CACNA2D2: variants seen among roughly 807,000 people sequenced by gnomAD.
CACNA2D2 encodes voltage-dependent calcium channel subunit alpha-2/delta-2.
Under a neutral mutation model 166.4 loss-of-function variants are expected in CACNA2D2, and 48 were observed. The observed-to-expected ratio is 0.29, with a 90% CI of 0.23 to 0.37. CACNA2D2 has a LOEUF of 0.37. CACNA2D2 is among the 10% of genes least tolerant of loss of function. The probability of loss-of-function intolerance (pLI) is 1.00; values close to 1 mark genes in which losing one functional copy is unlikely to be tolerated. For missense variants in CACNA2D2, 1,122 were observed against 1,433.0 expected, an observed-to-expected ratio of 0.78 and a Z score of 3.50; for synonymous variants, 561 against 573.7, an observed-to-expected ratio of 0.98 and a Z score of 0.32.
rs1467398000 is a variant in CACNA2D2, at chr3:50,363,281, G to A, written c.*1385C>T. On this transcript the variant is annotated 3_prime_UTR_variant, in exon 38 of 38. Coordinates refer to ENST00000424201, the MANE Select transcript of CACNA2D2 (RefSeq NM_006030.4). The stretch of plus-strand genomic sequence containing the variant: ...GACCACACACACACACTGAGAAAGC[G>A]ACAAGCAACATGACATTAATTAACG... 1.5e-5 allele frequency: 6 copies of A among 398,666 alleles called. No homozygotes were observed. The highest frequency in any genetic ancestry group is 2.5e-4 in the South Asian group (2 of 7,846). The allele number at this position is 398,666 out of a possible 1,614,324, so 24.7% of individuals were successfully genotyped here.
chr3:50,470,464 G>A (rs1407761760), intron 2 of CACNA2D2, among the ~76,000 whole-genome samples: 1 of 152,160 alleles, frequency 6.6e-6, no homozygotes, highest in East Asian at 1.9e-4. Flanking sequence ...CGTGTGGAAG[G>A]ATATGGGCGA....
chr3:50,449,274 T>C (rs974779736), intron 2 of CACNA2D2, among the ~76,000 whole-genome samples: 5 of 152,210 alleles, frequency 3.3e-5, no homozygotes, highest in Admixed American at 3.3e-4. Context: ...GACCTCACCA[T>C]GAGCCCTGAT....
intron 3 of CACNA2D2, among the ~76,000 whole-genome samples, chr3:50,425,395 C>T (rs1707760425): frequency 6.6e-6 from 1 of 152,182 alleles, no homozygotes; most frequent in Non-Finnish European, 1.5e-5. Context: ...TCAAATGCTA[C>T]CTCCTCCAGG....
chr3:50,462,718 G>C (rs1300614923), intron 2 of CACNA2D2, among the ~76,000 whole-genome samples: 10 of 152,070 alleles, frequency 6.6e-5, no homozygotes, highest in Non-Finnish European at 1.5e-4. Flanking sequence ...TAGAGATATG[G>C]AGCTCAGAGA....
At chr3:50,458,597 G>A (rs992813151) in intron 2 of CACNA2D2, among the ~76,000 whole-genome samples, 2 of 152,222 alleles carry the variant, frequency 1.3e-5, no homozygotes, top group South Asian at 4.1e-4. Flanking sequence ...GGACTCAGCT[G>A]CTACAAGAGA....
intron 1 of CACNA2D2, among the ~76,000 whole-genome samples, chr3:50,501,163 T>C (rs1698947226): frequency 6.6e-6 from 1 of 152,200 alleles, no homozygotes; most frequent in African/African-American, 2.4e-5. Flanking sequence ...CAGAACCTTC[T>C]GGCCCGAACA....
At chr3:50,391,758 T>C (rs1705904837) in intron 4 of CACNA2D2, among the ~76,000 whole-genome samples, 1 of 152,200 alleles carries the variant, frequency 6.6e-6, no homozygotes, top group Non-Finnish European at 1.5e-5. Context: ...GGACCTGCTG[T>C]GTGCTGTCAA....
At chr3:50,410,700 G>C (rs1706968874) in intron 3 of CACNA2D2, among the ~76,000 whole-genome samples, 1 of 152,232 alleles carries the variant, frequency 6.6e-6, no homozygotes, top group Admixed American at 6.5e-5. Context: ...AGGGAAAGGG[G>C]GTAAGTGGGA....
chr3:50,382,700 G>A (rs1015863869), intron 6 of CACNA2D2, among the ~76,000 whole-genome samples: 1 of 152,226 alleles, frequency 6.6e-6, no homozygotes, highest in Non-Finnish European at 1.5e-5. Flanking sequence ...GCCCTCCAGA[G>A]TTTCACACAG....
At chr3:50,372,283 G>A (rs1247156139) in intron 22 of CACNA2D2, among the ~76,000 whole-genome samples, 2 of 152,162 alleles carry the variant, frequency 1.3e-5, no homozygotes, top group African/African-American at 4.8e-5. Context: ...GGTCTAAACA[G>A]ATCCCATTCC....
chr3:50,484,969 C>T (rs1698217582), intron 1 of CACNA2D2, among the ~76,000 whole-genome samples: 3 of 152,180 alleles, frequency 2.0e-5, no homozygotes, highest in African/African-American at 4.8e-5. Flanking sequence ...CAGGGCTGGC[C>T]CAGGAGGCCC....
At chr3:50,418,882 G>A (rs1356483284) in intron 3 of CACNA2D2, among the ~76,000 whole-genome samples, 1 of 152,240 alleles carries the variant, frequency 6.6e-6, no homozygotes, top group Non-Finnish European at 1.5e-5. Flanking sequence ...GGTATGGAGG[G>A]GAGCCTGGCC....
intron 2 of CACNA2D2, among the ~76,000 whole-genome samples, chr3:50,462,899 AAG>A (rs975947479): frequency 1.3e-5 from 2 of 151,824 alleles, no homozygotes; most frequent in Admixed American, 1.3e-4. Context: ...AGAAAAAAAA[AAG>A]AGAGAGGGAG....
chr3:50,367,140 G>T lies in CACNA2D2; in HGVS notation c.2402-31C>A. On this transcript the variant is annotated intron_variant, in intron 27 of 37. Coordinates refer to ENST00000424201, the MANE Select transcript of CACNA2D2 (RefSeq NM_006030.4). This position sits in a 1 kb window ranked among gnomAD's most constrained non-coding sequence, Gnocchi z 6.5. ...GGTTGGGTGGGGAAGTCAGGAGTGGGGTCTGGCGGCCACACTGACCACTCT... is the reference window on the plus strand; with the variant it reads ...GGTTGGGTGGGGAAGTCAGGAGTGGTGTCTGGCGGCCACACTGACCACTCT... The T allele has an allele frequency of 6.4e-7, 1 of 1,550,800 alleles. No homozygotes were observed. The highest frequency in any genetic ancestry group is 8.9e-7 in the Non-Finnish European group (1 of 1,126,344).
chr3:50,364,868 C>T lies in CACNA2D2; in HGVS notation c.3291+20G>A, dbSNP rs1704139952. On this transcript the variant is annotated intron_variant, in intron 37 of 37. Transcript: ENST00000424201. ...GGCGCAAGGCCGCGGGATTTCGGGT[C>T]CACCGCCCCCTCTCCTCACTGTCGC... is the stretch of plus-strand genomic sequence containing the variant. The T allele has an allele frequency of 1.9e-6, 3 of 1,613,336 alleles. No homozygotes were observed. The East Asian group carries it at 6.7e-5, about 36-fold the overall frequency.
intron 3 of CACNA2D2, among the ~76,000 whole-genome samples, chr3:50,412,203 A>T (rs1178657438): frequency 6.6e-6 from 1 of 152,158 alleles, no homozygotes; most frequent in African/African-American, 2.4e-5. Flanking sequence ...TACTTTGCCA[A>T]ATGAGTTGGG....
At position 50,371,461 on chromosome 3, in the gene CACNA2D2, A is replaced by T. The variant is rs181277136; in HGVS notation, c.1985-1081T>A. Among the ~76,000 whole-genome samples the T allele has an allele frequency of 4.0e-3, 609 of 152,138 alleles. 10 individuals are homozygous for T. Among genetic ancestry groups the T allele is most frequent in the African/African-American group, 0.013 (558 of 41,476 alleles). ...CTGTGGCCTCTCCCTGCCCAGCTGG[A>T]CTGGCCACCTTGCTGGTCTGCACCT... On this transcript the variant is annotated intron_variant, in intron 22 of 37. Transcript: ENST00000424201.
At chr3:50,459,657 G>C (rs185845337) in intron 2 of CACNA2D2, among the ~76,000 whole-genome samples, 1 of 152,122 alleles carries the variant, frequency 6.6e-6, no homozygotes, top group East Asian at 1.9e-4. Context: ...GAAAAGCTTC[G>C]AGCCCCTCAG....
intron 2 of CACNA2D2, among the ~76,000 whole-genome samples, chr3:50,436,964 C>T (rs909359151): frequency 1.3e-5 from 2 of 152,224 alleles, no homozygotes; most frequent in Non-Finnish European, 2.9e-5. Context: ...GACACTGGGA[C>T]GCCACTGATA....
Sources: gnomAD v4.1 joint callset for allele counts (sites outside exome capture counted in the v4.1 genomes callset) on GRCh38, gnomAD v4.1.1 for gene constraint, Gnocchi (gnomAD v3.1) non-coding constraint, MANE v1.5 for transcripts, NCBI Gene and HGNC (gene_info 2026-07-23, HGNC 2026-07-21) for gene names.